Variants in PTPRE observed in about 807,000 individuals in gnomAD.
PTPRE encodes receptor-type tyrosine-protein phosphatase epsilon.
In PTPRE, 51 loss-of-function variants were observed where a neutral mutation model predicts 102.0. The ratio of observed to expected loss-of-function variants is 0.50; its 90% CI spans 0.40 to 0.63. The LOEUF (loss-of-function observed/expected upper bound fraction) is 0.63, where lower values mean the gene tolerates loss of function less well. Among genes scored for constraint, PTPRE ranks in the 30% least tolerant of loss-of-function variants. The pLI, the probability that PTPRE is intolerant of heterozygous loss-of-function variation, is 0.00. For synonymous variants in PTPRE, 345 were observed against 348.2 expected (o/e 0.99, Z 0.10); for missense variants, 752 against 915.1 (o/e 0.82, Z 2.30).
chr10:128,071,310 C>G (rs995834868), intron 15 of PTPRE: 1 of 215,362 alleles, frequency 4.6e-6, no homozygotes, highest in African/African-American at 2.3e-5. Flanking sequence ...GCCACCCAGC[C>G]GAGGCCATGC....
intron 7 of PTPRE, 113 bp from the exon 8 acceptor site, chr10:128,060,826 C>A: frequency 3.0e-6 from 3 of 1,005,226 alleles, no homozygotes; most frequent in Non-Finnish European, 4.6e-6. Context: ...GCTGCTTTTG[C>A]CCTTCCCAGG....
chr10:128,016,417 G>A (rs1041403402), intron 2 of PTPRE, among the ~76,000 whole-genome samples: 1 of 151,786 alleles, frequency 6.6e-6, no homozygotes, highest in Non-Finnish European at 1.5e-5. Context: ...TCCATGTGGT[G>A]AGAACCTAAA....
chr10:128,060,920 G>A lies in PTPRE; in HGVS notation c.512-19G>A. 3 of 1,612,714 alleles carry A rather than the reference G, an allele frequency of 1.9e-6. No homozygotes were observed. Among genetic ancestry groups the A allele is most frequent in the Non-Finnish European group, 2.5e-6 (3 of 1,178,760 alleles). ...TTCCTGGTCCTAATATCTTGGCTTT[G>A]TTTGGGTTTTTTTTCCAGATGACCA... On this transcript the variant is annotated intron_variant, in intron 7 of 20. Coordinates refer to ENST00000254667, the MANE Select transcript of PTPRE (RefSeq NM_006504.6).
intron 1 of PTPRE, among the ~76,000 whole-genome samples, chr10:127,946,561 C>A (rs1848635493): frequency 1.8e-5 from 2 of 112,546 alleles, no homozygotes. Flanking sequence ...GGGATTTCCA[C>A]CCCGCATTGG....
intron 1 of PTPRE, among the ~76,000 whole-genome samples, chr10:127,936,735 GGTA>G (rs1847870473): frequency 1.3e-5 from 2 of 152,218 alleles, no homozygotes; most frequent in South Asian, 4.2e-4. Flanking sequence ...TTATTCTAAT[GGTA>G]GTAACTCTAT....
chr10:127,985,258 A>G (rs1181262370), intron 2 of PTPRE, among the ~76,000 whole-genome samples: 1 of 152,238 alleles, frequency 6.6e-6, no homozygotes, highest in Non-Finnish European at 1.5e-5. Context: ...GTGACATTTA[A>G]GTGAGATGGC....
At chr10:128,025,158 C>CAAA (rs71472683) in intron 2 of PTPRE, among the ~76,000 whole-genome samples, 7,737 of 65,368 alleles carry the variant, frequency 0.12, 876 homozygotes, top group African/African-American at 0.14. Flanking sequence ...GATCCTGTCT[C>CAAA]AAAAAAAAAA....
intron 20 of PTPRE, among the ~76,000 whole-genome samples, chr10:128,080,354 G>C (rs984882166): frequency 1.3e-5 from 2 of 152,096 alleles, no homozygotes; most frequent in African/African-American, 4.8e-5. Flanking sequence ...TGTCCTCCCT[G>C]CCTGCTCACT....
In PTPRE at chr10:127,966,272, G is replaced by A. The variant is rs548583638; in HGVS notation, c.-30-16002G>A. ...CCTCAGCAGGTGTGTGGAGCCCTCC[G>A]GACACAACATCTTGCTAGGAATTGC... On this transcript the variant is annotated intron_variant, in intron 1 of 20. Coordinates refer to ENST00000254667, the MANE Select transcript of PTPRE (RefSeq NM_006504.6). Among the ~76,000 whole-genome samples the A allele has an allele frequency of 9.2e-5, 14 of 152,212 alleles. No individual in the cohort carries two copies. In the East Asian group the frequency reaches 1.7e-3, roughly 19 times the overall value.
chr10:128,071,120 C>T, intron 15 of PTPRE: 1 of 560,782 alleles, frequency 1.8e-6, no homozygotes, highest in Non-Finnish European at 3.2e-6. Flanking sequence ...GCATGGGTCT[C>T]AGGCAAGCTG....
At position 127,912,463 on chromosome 10, in the gene PTPRE, G is replaced by A. The variant is rs78058731; in HGVS notation, c.-31+5154G>A. Among the ~76,000 whole-genome samples the A allele has an allele frequency of 2.5e-3, 379 of 152,270 alleles. 1 individual carries two copies. The highest frequency in any genetic ancestry group is 6.8e-3 in the Middle Eastern group (2 of 292). Reference sequence around the variant, plus strand: ...TATATTGTAACAAGTAACAAAAGGGGCAGAGAAATCTTTCTCCCAAAAACA... The same window carrying A: ...TATATTGTAACAAGTAACAAAAGGGACAGAGAAATCTTTCTCCCAAAAACA... On this transcript the variant is annotated intron_variant, in intron 1 of 20. Coordinates refer to ENST00000254667, the MANE Select transcript of PTPRE (RefSeq NM_006504.6).
chr10:127,974,656 G>A (rs1851009748), intron 1 of PTPRE, among the ~76,000 whole-genome samples: 1 of 152,180 alleles, frequency 6.6e-6, no homozygotes, highest in Non-Finnish European at 1.5e-5. Flanking sequence ...CACAGAAATA[G>A]CACATAGTAG....
Position 128,073,405 on chromosome 10 carries a change from G to T in PTPRE, c.1533G>T (p.Trp511Cys). 1 of 1,614,210 alleles carries T rather than the reference G, an allele frequency of 6.2e-7. No homozygotes were observed. The highest frequency in any genetic ancestry group is 8.5e-7 in the Non-Finnish European group (1 of 1,180,018). ...TGGCACACACGGTTGAGGACTTCTGGAGGATGATCTGGGAATGGAAATCCC... is the reference window on the plus strand; with the variant it reads ...TGGCACACACGGTTGAGGACTTCTGTAGGATGATCTGGGAATGGAAATCCC... The part of the protein sequence containing the change: ...GPLAHTVEDF[W>C]RMIWEWKSHT... Residue 511 changes from tryptophan to cysteine, a missense_variant, in exon 17 of 21, where the codon TGG (tryptophan) becomes TGT (cysteine). Trp to Cys is a radical substitution (Grantham distance 215, BLOSUM62 -2). Transcript: ENST00000254667.
chr10:128,036,499 G>A (rs1041608294), intron 2 of PTPRE, among the ~76,000 whole-genome samples: 1 of 152,136 alleles, frequency 6.6e-6, no homozygotes, highest in Non-Finnish European at 1.5e-5. Flanking sequence ...CGCTTCATAG[G>A]AGCCCAGTAA....
At chr10:128,069,188 C>T (rs1259013045) in intron 12 of PTPRE, 1 of 151,072 alleles carries the variant, frequency 6.6e-6, no homozygotes, top group Non-Finnish European at 1.5e-5. Flanking sequence ...CCCACCCACC[C>T]TCCAGTGTAG....
intron 1 of PTPRE, chr10:127,964,960 G>T (rs1445049436): frequency 2.2e-6 from 1 of 456,550 alleles, no homozygotes; most frequent in Admixed American, 2.3e-5. Context: ...ATGAAGGACA[G>T]GGACCGTGCC....
chr10:127,971,510 C>T lies in PTPRE; in HGVS notation c.-30-10764C>T, dbSNP rs192414230. On this transcript the variant is annotated intron_variant, in intron 1 of 20. Transcript: ENST00000254667. ...TTTCACTCGGTGCCGCCCTGAGGTG[C>T]GAGAGCCCCATGCATGGTGCCCTGG... Among the ~76,000 whole-genome samples, 250 of 152,282 alleles carry T rather than the reference C, an allele frequency of 1.6e-3. 2 individuals are homozygous for T. Among genetic ancestry groups the T allele is most frequent in the Admixed American group, 7.0e-3 (107 of 15,292 alleles).
chr10:128,008,454 G>T lies in PTPRE; in HGVS notation c.-8+26158G>T, dbSNP rs1314241429. Among the ~76,000 whole-genome samples, 1 of 152,200 alleles carries T rather than the reference G, an allele frequency of 6.6e-6. No homozygotes were observed. Among genetic ancestry groups the T allele is most frequent in the East Asian group, 1.9e-4 (1 of 5,194 alleles). ...CTTAGCAAAAGTTTCAGTAGCCAGG[G>T]ATAATGTCAAACAGCCAGTCCCGGG... On this transcript the variant is annotated intron_variant, in intron 2 of 20. Transcript: ENST00000254667. The surrounding 1 kb of genome is among the most constrained non-coding windows in gnomAD (Gnocchi z 4.0).
intron 1 of PTPRE, among the ~76,000 whole-genome samples, chr10:127,928,874 G>A (rs534197226): frequency 1.3e-5 from 2 of 152,282 alleles, no homozygotes; most frequent in East Asian, 3.9e-4. Flanking sequence ...TGTCAGACAC[G>A]AAGGCCATGG....
Sources: gnomAD v4.1 joint callset for allele counts (sites outside exome capture counted in the v4.1 genomes callset) on GRCh38, gnomAD v4.1.1 for gene constraint, Gnocchi (gnomAD v3.1) non-coding constraint, MANE v1.5 for transcripts, NCBI Gene and HGNC (gene_info 2026-07-23, HGNC 2026-07-21) for gene names.